Variants in CCDC60 observed in about 807,000 individuals in gnomAD.
The protein encoded by CCDC60 is coiled-coil domain containing 60.
CCDC60 carries 54 observed loss-of-function variants against 63.5 expected under a neutral mutation model. The observed-to-expected ratio is 0.85, with a 90% CI of 0.68 to 1.07. CCDC60 has a LOEUF of 1.07. Ranked by LOEUF, CCDC60 falls within the 50% of genes least tolerant of loss-of-function variation. CCDC60 has a pLI of 0.00. For missense variants in CCDC60, 651 were observed against 684.3 expected (o/e 0.95, Z 0.54); for synonymous variants, 206 against 238.8 (o/e 0.86, Z 1.27).
Position 119,434,980 on chromosome 12 carries a change from G to C in CCDC60, c.170+6218G>C, listed in dbSNP as rs541317033. ...AGAGCATCACATCCACTGCATAGAG[G>C]CTATGGTGAAAGATGACAATGGCTT... On this transcript the variant is annotated intron_variant, in intron 2 of 13. Transcript: ENST00000327554. 5.3e-5 allele frequency among the ~76,000 whole-genome samples: 8 copies of C among 152,328 alleles called. No individual in the cohort carries two copies. The East Asian group carries it at 1.3e-3, about 26-fold the overall frequency.
At chr12:119,433,620 C>T (rs776669267) in intron 2 of CCDC60, 13 of 700,562 alleles carry the variant, frequency 1.9e-5, no homozygotes, top group East Asian at 5.4e-5. Context: ...TTAAATGAGG[C>T]GAATTGTTAA....
chr12:119,532,200 T>G (rs1254810492), intron 13 of CCDC60, among the ~76,000 whole-genome samples: 1 of 152,072 alleles, frequency 6.6e-6, no homozygotes, highest in Admixed American at 6.6e-5. Context: ...CAAAACTAAC[T>G]CTAGGGCAAC....
At chr12:119,437,340 C>T (rs12306325) in intron 2 of CCDC60, among the ~76,000 whole-genome samples, 34,984 of 152,110 alleles carry the variant, frequency 0.23, 4,088 homozygotes, top group African/African-American at 0.25. Context: ...TAATGGATCA[C>T]AGCACTCTTT....
rs73408220 is a variant in CCDC60, at chr12:119,501,409, G to A, written c.648+1241G>A. On this transcript the variant is annotated intron_variant, in intron 6 of 13. Coordinates refer to ENST00000327554, the MANE Select transcript of CCDC60 (RefSeq NM_178499.5). ...GGCTCAGAGAGGTTAAGTAACTTAC[G>A]TAAGGTTACCCAGCTGGGTACTGGC... 1.7e-3 allele frequency among the ~76,000 whole-genome samples: 262 copies of A among 152,292 alleles called. 1 individual carries two copies. The highest frequency in any genetic ancestry group is 5.9e-3 in the African/African-American group (247 of 41,550).
intron 8 of CCDC60, among the ~76,000 whole-genome samples, chr12:119,519,349 C>T (rs975363465): frequency 3.3e-5 from 5 of 151,524 alleles, no homozygotes; most frequent in African/African-American, 1.2e-4. Context: ...AATTTCTACG[C>T]CTCCTCATCC....
intron 1 of CCDC60, among the ~76,000 whole-genome samples, chr12:119,400,074 G>C (rs1294000409): frequency 7.0e-6 from 1 of 142,546 alleles, no homozygotes; most frequent in Non-Finnish European, 1.5e-5. Flanking sequence ...TTTTGAGACG[G>C]AGTCTCACTC....
chr12:119,364,104 C>G (rs958413641), intron 1 of CCDC60, among the ~76,000 whole-genome samples: 49 of 152,262 alleles, frequency 3.2e-4, no homozygotes, highest in African/African-American at 1.1e-3. Context: ...AAATTGAAAA[C>G]AAGCTTTAAT....
At chr12:119,502,646 G>A (rs895943611) in intron 6 of CCDC60, among the ~76,000 whole-genome samples, 3 of 152,084 alleles carry the variant, frequency 2.0e-5, no homozygotes, top group Non-Finnish European at 4.4e-5. Context: ...TTTAATTAAT[G>A]GCAACTTTGG....
At chr12:119,435,715 G>T (rs903201686) in intron 2 of CCDC60, among the ~76,000 whole-genome samples, 2 of 152,224 alleles carry the variant, frequency 1.3e-5, no homozygotes, top group Admixed American at 6.5e-5. Context: ...CAAAGTCATT[G>T]TATCGGTCAG....
At chr12:119,445,751 C>T (rs1189369711) in intron 2 of CCDC60, among the ~76,000 whole-genome samples, 1 of 152,182 alleles carries the variant, frequency 6.6e-6, no homozygotes, top group African/African-American at 2.4e-5. Flanking sequence ...GAATACTACT[C>T]AGCCATAAAA....
At chr12:119,460,328 A>G (rs1204687707) in intron 2 of CCDC60, among the ~76,000 whole-genome samples, 1 of 152,178 alleles carries the variant, frequency 6.6e-6, no homozygotes, top group Non-Finnish European at 1.5e-5. Flanking sequence ...CTTTCTTAAT[A>G]CTATATTTTA....
chr12:119,527,064 C>G (rs959751304), intron 11 of CCDC60, among the ~76,000 whole-genome samples: 1 of 152,072 alleles, frequency 6.6e-6, no homozygotes, highest in Non-Finnish European at 1.5e-5. Flanking sequence ...ACATTCATAC[C>G]ATGGAATATT....
intron 1 of CCDC60, among the ~76,000 whole-genome samples, chr12:119,421,208 GAAC>G (rs1433953732): frequency 6.6e-6 from 1 of 152,088 alleles, no homozygotes; most frequent in Non-Finnish European, 1.5e-5. Context: ...AAAACACAGA[GAAC>G]AACAGATATT....
intron 2 of CCDC60, among the ~76,000 whole-genome samples, chr12:119,437,938 A>T (rs1593087108): frequency 6.6e-6 from 1 of 152,008 alleles, no homozygotes; most frequent in Non-Finnish European, 1.5e-5. Flanking sequence ...GCAAGTGGCC[A>T]TTAACGAGTC....
intron 1 of CCDC60, among the ~76,000 whole-genome samples, chr12:119,341,758 T>G (rs1417168683): frequency 6.6e-6 from 1 of 152,172 alleles, no homozygotes; most frequent in Non-Finnish European, 1.5e-5. Context: ...GGTCCATCAT[T>G]AATGAGGCCA....
chr12:119,368,242 G>A (rs1441627456), intron 1 of CCDC60, among the ~76,000 whole-genome samples: 4 of 150,642 alleles, frequency 2.7e-5, no homozygotes. Flanking sequence ...AGGAGGGGGA[G>A]GAGAAGATAG....
In CCDC60 at chr12:119,347,797, C is replaced by T. The variant is rs150484652; in HGVS notation, c.90+12531C>T. On this transcript the variant is annotated intron_variant, in intron 1 of 13. Coordinates refer to ENST00000327554, the MANE Select transcript of CCDC60 (RefSeq NM_178499.5). Reference sequence around the variant, plus strand: ...CCTCTCCTCCATGCAAAAATAATAACAGTTCCTGCCTCATCGGGTTGTTGA... The same window carrying T: ...CCTCTCCTCCATGCAAAAATAATAATAGTTCCTGCCTCATCGGGTTGTTGA... Among the ~76,000 whole-genome samples, 344 of 152,310 alleles carry T rather than the reference C, an allele frequency of 2.3e-3. 2 individuals carry two copies. Among genetic ancestry groups the T allele is most frequent in the African/African-American group, 7.4e-3 (309 of 41,564 alleles).
chr12:119,468,082 G>T (rs1950986618), intron 2 of CCDC60, among the ~76,000 whole-genome samples: 1 of 151,938 alleles, frequency 6.6e-6, no homozygotes, highest in East Asian at 1.9e-4. Flanking sequence ...AGACCAGCCT[G>T]GCCAATATAG....
intron 8 of CCDC60, among the ~76,000 whole-genome samples, chr12:119,518,943 T>C (rs1412208571): frequency 3.3e-5 from 5 of 152,162 alleles, no homozygotes; most frequent in Non-Finnish European, 7.3e-5. Context: ...AATGATAAAA[T>C]AACCATGGTT....
Sources: gnomAD v4.1 joint callset for allele counts (sites outside exome capture counted in the v4.1 genomes callset) on GRCh38, gnomAD v4.1.1 for gene constraint, MANE v1.5 for transcripts, NCBI Gene and HGNC (gene_info 2026-07-23, HGNC 2026-07-21) for gene names.